Variants in CNOT7 observed in about 807,000 individuals in gnomAD.
The protein encoded by CNOT7 is BTG1-binding factor 1.
A neutral mutation model predicts 37.1 loss-of-function variants in CNOT7; 4 were observed. The observed-to-expected ratio is 0.11, with a 90% CI of 0.05 to 0.25. The LOEUF is 0.25. Ranked by LOEUF, CNOT7 falls within the 10% of genes least tolerant of loss-of-function variation. CNOT7 has a pLI of 1.00. For synonymous variants in CNOT7, 128 were observed against 115.6 expected (o/e 1.11, Z -0.69); for missense variants, 170 against 336.2 (o/e 0.51, Z 3.87).
chr8:17,245,625 G>T (rs1810865437), intron 1 of CNOT7, among the ~76,000 whole-genome samples: 1 of 152,146 alleles, frequency 6.6e-6, no homozygotes. Context: ...ATGTTACCAT[G>T]GCAAAGATGG....
rs1238573397 is a variant in CNOT7 at position 17,229,016 on chromosome 8, C to T, written c.*1704G>A. 3.9e-5 allele frequency: 6 copies of T among 151,908 alleles called. No individual in the cohort carries two copies. The highest frequency in any genetic ancestry group is 7.4e-5 in the Non-Finnish European group (5 of 67,852). 9.4% of individuals were successfully genotyped at this position (151,908 alleles called of 1,614,324 possible). A position where few individuals can be genotyped will look rare whatever the true frequency, so the allele number is the denominator to read the frequency against. ...ATTCCTGGAAAGGAGAAACAGAAGT[C>T]AGTCCTTAATTAGCTAGTTGAGGTA... On this transcript the variant is annotated 3_prime_UTR_variant, in exon 7 of 7. Coordinates refer to ENST00000361272, the MANE Select transcript of CNOT7 (RefSeq NM_013354.7).
chr8:17,242,479 C>T (rs1683107472), intron 3 of CNOT7: 1 of 152,376 alleles, frequency 6.6e-6, no homozygotes, highest in Non-Finnish European at 1.5e-5. Context: ...GATACTACTA[C>T]TTCTCCTATA....
chr8:17,231,207 A>C (rs1481597862), intron 6 of CNOT7, among the ~76,000 whole-genome samples: 1 of 152,148 alleles, frequency 6.6e-6, no homozygotes, highest in East Asian at 1.9e-4. Flanking sequence ...TTAGGTTCAT[A>C]AACTGTCTTA....
At chr8:17,232,400 G>A in intron 6 of CNOT7, 27 bp downstream of exon 6, 1 of 1,613,336 alleles carries the variant, frequency 6.2e-7, no homozygotes, top group Non-Finnish European at 8.5e-7. Context: ...ACAACCAACT[G>A]AGAAAAAGGC....
intron 3 of CNOT7, among the ~76,000 whole-genome samples, chr8:17,237,862 T>TA (rs1445892765): frequency 2.0e-5 from 3 of 152,230 alleles, no homozygotes; most frequent in Non-Finnish European, 4.4e-5. Flanking sequence ...GCGGATGAGT[T>TA]AAACTACACT....
At chr8:17,232,583 G>C in intron 5 of CNOT7, 46 bp from the exon 6 acceptor site, 2 of 1,544,764 alleles carry the variant, frequency 1.3e-6, no homozygotes, top group Non-Finnish European at 1.8e-6. Context: ...AATCTTACAA[G>C]GCCTAAATTC....
chr8:17,227,256 A>C lies in CNOT7; in HGVS notation c.*3464T>G, dbSNP rs1808221281. The C allele has an allele frequency of 3.3e-5, 5 of 151,880 alleles. No homozygotes were observed. The South Asian group carries it at 6.2e-4, about 19-fold the overall frequency. 9.4% of individuals were successfully genotyped at this position (151,880 alleles called of 1,614,324 possible). A position where few individuals can be genotyped will look rare whatever the true frequency, so the allele number is the denominator to read the frequency against. On this transcript the variant is annotated 3_prime_UTR_variant, in exon 7 of 7. Coordinates refer to ENST00000361272, the MANE Select transcript of CNOT7 (RefSeq NM_013354.7). ...GTTGCATCACATCTTAGTAGATTCC[A>C]CTTCAGGTTGTACTGTTTATCAACT...
chr8:17,245,286 C>A, intron 1 of CNOT7, 39 bp from the exon 2 acceptor site: 1 of 865,120 alleles, frequency 1.2e-6, no homozygotes. Flanking sequence ...CCAGATATAT[C>A]AAATCTGAAT....
chr8:17,235,275 A>G (rs1419857079), intron 4 of CNOT7, among the ~76,000 whole-genome samples: 1 of 152,242 alleles, frequency 6.6e-6, no homozygotes, highest in Non-Finnish European at 1.5e-5. Flanking sequence ...AAAGGTAGCA[A>G]GAGAACTGGC....
At chr8:17,231,415 T>G (rs1309315478) in intron 6 of CNOT7, 3 of 521,274 alleles carry the variant, frequency 5.8e-6, no homozygotes, top group Admixed American at 6.4e-5. Context: ...TCCAAAAGGT[T>G]GTTTCAATTA....
intron 5 of CNOT7, among the ~76,000 whole-genome samples, chr8:17,232,855 C>T (rs1178638698): frequency 6.6e-6 from 1 of 152,126 alleles, no homozygotes; most frequent in Admixed American, 6.6e-5. Context: ...TTATCAAGTA[C>T]ACTCATAGTC....
chr8:17,237,520 G>A, intron 3 of CNOT7, 147 bp from the exon 4 acceptor site: 2 of 611,970 alleles, frequency 3.3e-6, no homozygotes, highest in Non-Finnish European at 5.6e-6. Context: ...ATATATGCAA[G>A]AAAAATGCAA....
rs927201457 is a variant in CNOT7 at position 17,230,611 on chromosome 8, G to C, written c.*109C>G. 21 of 893,662 alleles carry C rather than the reference G, an allele frequency of 2.3e-5. No individual in the cohort carries two copies. Among genetic ancestry groups the C allele is most frequent in the Non-Finnish European group, 3.2e-5 (20 of 624,050 alleles). The allele number at this position is 893,662 out of a possible 1,614,324, so 55.4% of individuals were successfully genotyped here. A position where few individuals can be genotyped will look rare whatever the true frequency, so the allele number is the denominator to read the frequency against. On this transcript the variant is annotated 3_prime_UTR_variant, in exon 7 of 7. Coordinates refer to ENST00000361272, the MANE Select transcript of CNOT7 (RefSeq NM_013354.7). ...AAAGGCAGACAATAAAATGGGCCAT[G>C]AAAGGGGGGGGAAAGGTACTGTCTA...
chr8:17,241,204 G>A (rs1268281447), intron 3 of CNOT7: 1 of 151,696 alleles, frequency 6.6e-6, no homozygotes, highest in Non-Finnish European at 1.5e-5. Context: ...TACCTGTAGT[G>A]CTAGCTACCT....
At chr8:17,245,456 T>C (rs1810806405) in intron 1 of CNOT7, among the ~76,000 whole-genome samples, 1 of 152,224 alleles carries the variant, frequency 6.6e-6, no homozygotes. Flanking sequence ...CTAATTTCAG[T>C]TATTTTAAAA....
chr8:17,243,223 G>T, intron 2 of CNOT7, 38 bp from the exon 3 acceptor site: 1 of 1,481,014 alleles, frequency 6.8e-7, no homozygotes, highest in Non-Finnish European at 9.1e-7. Context: ...GTACTAAACA[G>T]TCAAAACTAC....
Position 17,227,152 on chromosome 8 carries a change from A to T in CNOT7, c.*3568T>A, listed in dbSNP as rs1014342700. 6 of 151,908 alleles carry T rather than the reference A, an allele frequency of 3.9e-5. No individual in the cohort carries two copies. Among genetic ancestry groups the T allele is most frequent in the Non-Finnish European group, 7.4e-5 (5 of 67,830 alleles). The allele number at this position is 151,908 out of a possible 1,614,324, so 9.4% of individuals were successfully genotyped here. The stretch of plus-strand genomic sequence containing the variant: ...AATCAAGTGAGTAACTACAGGCTTT[A>T]AACAACTTACGTTTTCACAAGCCTT... On this transcript the variant is annotated 3_prime_UTR_variant, in exon 7 of 7. Transcript: ENST00000361272.
At chr8:17,240,240 C>T (rs969778057) in intron 3 of CNOT7, among the ~76,000 whole-genome samples, 2 of 152,244 alleles carry the variant, frequency 1.3e-5, no homozygotes, top group Non-Finnish European at 2.9e-5. Context: ...CATCTCCTAA[C>T]ATCAGTGTAA....
chr8:17,234,086 TA>T (rs1809004846), intron 5 of CNOT7, among the ~76,000 whole-genome samples: 1 of 152,140 alleles, frequency 6.6e-6, no homozygotes, highest in South Asian at 2.1e-4. Flanking sequence ...GTTTAGAATT[TA>T]AAAATACATG....
Sources: gnomAD v4.1 joint callset for allele counts (sites outside exome capture counted in the v4.1 genomes callset) on GRCh38, gnomAD v4.1.1 for gene constraint, MANE v1.5 for transcripts, NCBI Gene and HGNC (gene_info 2026-07-23, HGNC 2026-07-21) for gene names.